The following NFAM1 variants were observed in gnomAD, a reference collection of about 807,000 sequenced individuals.
NFAM1 encodes the protein NFAT activating protein with ITAM motif 1.
In NFAM1, 17 loss-of-function variants were observed where a neutral mutation model predicts 29.0. That is an observed-to-expected ratio of 0.59 (90% CI 0.40 to 0.88). NFAM1 has a LOEUF of 0.88. Ranked by LOEUF, NFAM1 falls within the 40% of genes least tolerant of loss-of-function variation. The pLI, the probability that NFAM1 is intolerant of heterozygous loss-of-function variation, is 0.00. For synonymous variants in NFAM1, 175 were observed against 147.2 expected, an observed-to-expected ratio of 1.19 and a Z score of -1.36; for missense variants, 324 against 344.6, an observed-to-expected ratio of 0.94 and a Z score of 0.47.
chr22:42,399,250 C>T lies in NFAM1; in HGVS notation c.565-1294G>A, dbSNP rs939735129. On this transcript the variant is annotated intron_variant, in intron 3 of 5. Coordinates refer to ENST00000329021, the MANE Select transcript of NFAM1 (RefSeq NM_145912.8). ...TCACCTGAGATCAGGAGTTTGAGACCAGCCTGGCCAACATGGCAACACCCC... is the reference window on the plus strand; with the variant it reads ...TCACCTGAGATCAGGAGTTTGAGACTAGCCTGGCCAACATGGCAACACCCC... 3.3e-5 allele frequency among the ~76,000 whole-genome samples: 5 copies of T among 151,898 alleles called. No homozygotes were observed. The East Asian group carries it at 9.7e-4, about 30-fold the overall frequency.
Position 42,387,019 on chromosome 22 carries a change from T to C in NFAM1, c.723A>G (p.Ser241=), listed in dbSNP as rs368341291. 65 of 1,581,414 alleles carry C rather than the reference T, an allele frequency of 4.1e-5. No homozygotes were observed. The highest frequency in any genetic ancestry group is 5.3e-5 in the Non-Finnish European group (62 of 1,164,346). ...AGAGGGGGCTCTGCTTGGCGGTGGG[T>C]GAGCTGCCATCCTCATTCTCGATGC... The part of the protein sequence containing the change: ...YACIENEDGS[S]PTAKQSPLSQ... Residue 241 remains serine (S), a synonymous_variant, in exon 5 of 6, where the codon TCA becomes TCG. Coordinates refer to ENST00000329021, the MANE Select transcript of NFAM1 (RefSeq NM_145912.8).
At chr22:42,435,017 T>C (rs906489001), upstream of NFAM1, among the ~76,000 whole-genome samples, 2 of 152,222 alleles carry the variant, frequency 1.3e-5, no homozygotes, top group African/African-American at 4.8e-5. Context: ...CACGGCAACC[T>C]CAGCAGAGTG....
intron 1 of NFAM1, among the ~76,000 whole-genome samples, chr22:42,415,744 A>G (rs1215934065): frequency 6.6e-6 from 1 of 152,152 alleles, no homozygotes; most frequent in Non-Finnish European, 1.5e-5. Flanking sequence ...TTGGCTGCCA[A>G]CTAGAAGCGG....
chr22:42,400,003 C>T (rs756986056), intron 3 of NFAM1, among the ~76,000 whole-genome samples: 2 of 152,182 alleles, frequency 1.3e-5, no homozygotes, highest in Non-Finnish European at 2.9e-5. Flanking sequence ...CTCCACAAAC[C>T]GCAGGTGAAT....
chr22:42,421,394 G>A (rs1028198285), intron 1 of NFAM1, among the ~76,000 whole-genome samples: 4 of 148,172 alleles, frequency 2.7e-5, no homozygotes, highest in Non-Finnish European at 4.4e-5. Context: ...GCGGTGAGCC[G>A]AGATCGCATC....
At chr22:42,428,754 T>C (rs1930706380) in intron 1 of NFAM1, among the ~76,000 whole-genome samples, 1 of 152,202 alleles carries the variant, frequency 6.6e-6, no homozygotes, top group African/African-American at 2.4e-5. Flanking sequence ...CCCAGAGTTC[T>C]GGAAAGGCCA....
In NFAM1 at chr22:42,382,851, C is replaced by G. The variant is rs1929002833; in HGVS notation, c.*2310G>C. ...TCTCCTTGCTCACTGAAGACCTCAG[C>G]ACCCACTGCCTCCCAGCCTTGCCCT... On this transcript the variant is annotated 3_prime_UTR_variant, in exon 6 of 6. Transcript: ENST00000329021. 1 of 154,254 alleles carries G rather than the reference C, an allele frequency of 6.5e-6. No individual in the cohort carries two copies. Among genetic ancestry groups the G allele is most frequent in the African/African-American group, 2.4e-5 (1 of 41,502 alleles). The allele number at this position is 154,254 out of a possible 1,614,324, so 9.6% of individuals were successfully genotyped here. A position where few individuals can be genotyped will look rare whatever the true frequency, so the allele number is the denominator to read the frequency against.
At chr22:42,406,464 C>T (rs78987353) in intron 3 of NFAM1, among the ~76,000 whole-genome samples, 3,058 of 152,316 alleles carry the variant, frequency 0.02, 48 homozygotes, top group Non-Finnish European at 0.03. Flanking sequence ...CACTTCCCAT[C>T]CGTCTACTCT....
rs370703303 is a variant in NFAM1 at position 42,409,012 on chromosome 22, C to T, written c.564+423G>A. Among the ~76,000 whole-genome samples the T allele has an allele frequency of 1.0e-3, 153 of 151,810 alleles. No homozygotes were observed. Among genetic ancestry groups the T allele is most frequent in the African/African-American group, 3.4e-3 (139 of 41,424 alleles). On this transcript the variant is annotated intron_variant, in intron 3 of 5. Transcript: ENST00000329021. The surrounding 1 kb of genome is among the most constrained non-coding windows in gnomAD (Gnocchi z 4.9). ...GGTGTGTGGGAGGGTTGCTGGAGGG[C>T]GTGCGAGAGGGCGAGTGGGAGGGTG... is the stretch of plus-strand genomic sequence containing the variant.
Position 42,395,066 on chromosome 22 carries a change from C to T in NFAM1, c.663+2792G>A, listed in dbSNP as rs118021275. 2.6e-3 allele frequency among the ~76,000 whole-genome samples: 391 copies of T among 152,136 alleles called. 7 individuals are homozygous for T. In the East Asian group the frequency reaches 0.053, roughly 21 times the overall value. ...TCTCACACTCATAGTCCCAGCCACC[C>T]GGGAGGCTGAGGTGGGAAGATAGCT... On this transcript the variant is annotated intron_variant, in intron 4 of 5. Coordinates refer to ENST00000329021, the MANE Select transcript of NFAM1 (RefSeq NM_145912.8).
intron 1 of NFAM1, among the ~76,000 whole-genome samples, chr22:42,426,685 G>A (rs1302945055): frequency 1.3e-5 from 2 of 152,188 alleles, no homozygotes; most frequent in African/African-American, 2.4e-5. Flanking sequence ...GACTGGGGAG[G>A]CCATGGTGAG....
At chr22:42,396,632 A>C (rs1047126557) in intron 4 of NFAM1, among the ~76,000 whole-genome samples, 1 of 152,112 alleles carries the variant, frequency 6.6e-6, no homozygotes, top group African/African-American at 2.4e-5. Flanking sequence ...GGGAGACAGG[A>C]GAGAGTATGA....
intron 1 of NFAM1, among the ~76,000 whole-genome samples, chr22:42,431,502 G>A (rs1930795225): frequency 6.6e-6 from 1 of 152,190 alleles, no homozygotes; most frequent in South Asian, 2.1e-4. Flanking sequence ...GAGCCCTCGT[G>A]CTGGCAGCCC....
chr22:42,401,411 G>GT lies in NFAM1; in HGVS notation c.565-3456dup, dbSNP rs563986430. On this transcript the variant is annotated intron_variant, in intron 3 of 5. Coordinates refer to ENST00000329021, the MANE Select transcript of NFAM1 (RefSeq NM_145912.8). The stretch of plus-strand genomic sequence containing the variant: ...GGGGGCCACCAGGGAAGTGGCTGCA[G>GT]TTGCATTGTATAAACCTCCCTCTGC... 1.5e-4 allele frequency among the ~76,000 whole-genome samples: 23 copies of GT among 152,280 alleles called. No homozygotes were observed. The East Asian group carries it at 3.3e-3, about 22-fold the overall frequency.
intron 1 of NFAM1, among the ~76,000 whole-genome samples, chr22:42,426,975 C>T (rs572221526): frequency 6.6e-6 from 1 of 152,212 alleles, no homozygotes; most frequent in African/African-American, 2.4e-5. Flanking sequence ...TGCTGAGCAC[C>T]CAGGCGGGGG....
At chr22:42,432,646 C>T (rs1174209359), upstream of NFAM1, among the ~76,000 whole-genome samples, 4 of 152,156 alleles carry the variant, frequency 2.6e-5, no homozygotes, top group Non-Finnish European at 5.9e-5. Flanking sequence ...GCAGGGGCCC[C>T]GTCCAGGAGA....
intron 3 of NFAM1, among the ~76,000 whole-genome samples, chr22:42,404,903 AG>A (rs1453525081): frequency 6.6e-6 from 1 of 151,186 alleles, no homozygotes; most frequent in Non-Finnish European, 1.5e-5. Flanking sequence ...CTTAGTGGGC[AG>A]GGTCTACCCT....
chr22:42,400,025 C>T (rs1997675), intron 3 of NFAM1, among the ~76,000 whole-genome samples: 8,039 of 152,288 alleles, frequency 0.053, 380 homozygotes, highest in African/African-American at 0.11. Flanking sequence ...TTTCCATCCT[C>T]TCTGTTCTGT....
upstream of NFAM1, among the ~76,000 whole-genome samples, chr22:42,433,297 G>A (rs1049526570): frequency 5.3e-5 from 8 of 152,204 alleles, no homozygotes; most frequent in South Asian, 1.0e-3. Flanking sequence ...AGACGCAGGC[G>A]GGAAGGTGGC....
Sources: allele counts gnomAD v4.1 joint callset (sites outside exome capture counted in the v4.1 genomes callset), GRCh38; gene constraint gnomAD v4.1.1; non-coding constraint Gnocchi (gnomAD v3.1); transcripts MANE v1.5; gene names NCBI Gene and HGNC (gene_info 2026-07-23, HGNC 2026-07-21).